The following MOSPD2 variants were observed in gnomAD, a reference collection of about 807,000 sequenced individuals.
The protein encoded by MOSPD2 is motile sperm domain-containing protein 2.
A neutral mutation model predicts 41.7 loss-of-function variants in MOSPD2; 5 were observed. The observed-to-expected ratio is 0.12, with a 90% CI of 0.06 to 0.25. MOSPD2 has a LOEUF of 0.25. Among genes scored for constraint, MOSPD2 ranks in the 10% least tolerant of loss-of-function variants. The pLI, the probability that MOSPD2 is intolerant of heterozygous loss-of-function variation, is 1.00. For synonymous variants in MOSPD2, 115 were observed against 126.9 expected, an observed-to-expected ratio of 0.91 and a Z score of 0.63; for missense variants, 282 against 375.2, an observed-to-expected ratio of 0.75 and a Z score of 2.05.
intron 2 of MOSPD2, among the ~76,000 whole-genome samples, chrX:14,880,427 T>C (rs1324755242): frequency 8.9e-6 from 1 of 111,814 alleles, no homozygotes; most frequent in Non-Finnish European, 1.9e-5. Context: ...CTTGAAATAT[T>C]GATTGTTTTC....
At chrX:14,877,498 A>G (rs758162807) in intron 2 of MOSPD2, among the ~76,000 whole-genome samples, 5 of 109,538 alleles carry the variant, frequency 4.6e-5, no homozygotes, top group African/African-American at 1.7e-4. Context: ...ATGTGCCACC[A>G]TGCCCAGCTA....
At chrX:14,884,502 G>A (rs1267683452) in intron 2 of MOSPD2, among the ~76,000 whole-genome samples, 1 of 111,157 alleles carries the variant, frequency 9.0e-6, no homozygotes, top group Non-Finnish European at 1.9e-5. Flanking sequence ...GGGGAATGGA[G>A]GAAAAGTCCT....
chrX:14,916,103 A>T (rs1214359328), intron 12 of MOSPD2, 94 bp from the exon 13 acceptor site: 1 of 1,127,157 alleles, frequency 8.9e-7, no homozygotes, highest in Non-Finnish European at 1.2e-6. Context: ...TTTTTCCTTA[A>T]TGTTGAGTTC....
At chrX:14,878,698 T>C (rs1375121972) in intron 2 of MOSPD2, among the ~76,000 whole-genome samples, 2 of 112,174 alleles carry the variant, frequency 1.8e-5, no homozygotes, top group Admixed American at 1.9e-4. Context: ...TACTATTTTT[T>C]TTCTTCTTTT....
At chrX:14,893,267 T>A (rs1029191394) in intron 3 of MOSPD2, 1 of 116,665 alleles carries the variant, frequency 8.6e-6, no homozygotes, top group African/African-American at 3.2e-5. Context: ...CTTGTGCTAA[T>A]AGGTTAATAG....
At chrX:14,895,035 T>C (rs1192810817) in intron 3 of MOSPD2, among the ~76,000 whole-genome samples, 2 of 112,214 alleles carry the variant, frequency 1.8e-5, no homozygotes, top group African/African-American at 3.2e-5. Context: ...CAAGTCATTA[T>C]GTGAAACAAT....
chrX:14,876,700 A>G (rs997950679), intron 2 of MOSPD2, among the ~76,000 whole-genome samples: 1 of 111,772 alleles, frequency 8.9e-6, no homozygotes, highest in Non-Finnish European at 1.9e-5. Flanking sequence ...TATATGCCTA[A>G]TTCTGGGAAG....
intron 2 of MOSPD2, among the ~76,000 whole-genome samples, chrX:14,879,142 A>G (rs1305975699): frequency 1.8e-5 from 2 of 112,300 alleles, no homozygotes; most frequent in Non-Finnish European, 3.8e-5. Context: ...GATATGACTA[A>G]TTTATTCCTT....
At chrX:14,896,433 T>G (rs889810852) in intron 4 of MOSPD2, among the ~76,000 whole-genome samples, 10 of 111,938 alleles carry the variant, frequency 8.9e-5, no homozygotes, top group African/African-American at 3.3e-4. Flanking sequence ...ATTCAGTTTC[T>G]AACTACTACA....
intron 8 of MOSPD2, among the ~76,000 whole-genome samples, chrX:14,909,564 C>A (rs1167480214): frequency 4.5e-5 from 5 of 111,382 alleles, no homozygotes; most frequent in Non-Finnish European, 9.4e-5. Flanking sequence ...GTTCAACAGT[C>A]TTTTTAGTTA....
chrX:14,891,576 A>AT (rs1302415831), intron 2 of MOSPD2, among the ~76,000 whole-genome samples: 24 of 90,559 alleles, frequency 2.7e-4, no homozygotes, highest in Non-Finnish European at 3.6e-4. Context: ...TTATTTATTT[A>AT]TTTTTTTTTT....
At chrX:14,895,527 A>G in intron 4 of MOSPD2, 133 bp downstream of exon 4, 2 of 444,556 alleles carry the variant, frequency 4.5e-6, no homozygotes. Flanking sequence ...AGGGATTGGC[A>G]GGACCATTTT....
At chrX:14,918,575 A>G in intron 13 of MOSPD2, 105 bp from the exon 14 acceptor site, 1 of 518,807 alleles carries the variant, frequency 1.9e-6, no homozygotes, top group Non-Finnish European at 3.1e-6. Flanking sequence ...GAGGACTTTT[A>G]CCTCTGTTAC....
At chrX:14,876,990 C>T (rs935587031) in intron 2 of MOSPD2, among the ~76,000 whole-genome samples, 1 of 111,659 alleles carries the variant, frequency 9.0e-6, no homozygotes, top group Non-Finnish European at 1.9e-5. Flanking sequence ...AGAAGGTGAT[C>T]CAGGCAGATT....
intron 2 of MOSPD2, among the ~76,000 whole-genome samples, chrX:14,892,472 C>T (rs1186135212): frequency 9.0e-6 from 1 of 111,500 alleles, no homozygotes; most frequent in Non-Finnish European, 1.9e-5. Flanking sequence ...ACCCAAACAC[C>T]TCCCACCAGA....
rs766880341 is a variant in MOSPD2, at chrX:14,912,185, TA to T, written c.880-60del. On this transcript the variant is annotated intron_variant, in intron 9 of 14. Transcript: ENST00000380492. The stretch of plus-strand genomic sequence containing the variant: ...CTATGTTATGTATAATAGTAGGCAC[TA>T]AAATAGATGTTAATGGTCATGTTAA... The T allele has an allele frequency of 1.4e-4, 107 of 740,560 alleles. 1 individual carries two copies. The East Asian group carries it at 2.4e-3, about 16-fold the overall frequency. 61.0% of individuals were successfully genotyped at this position (740,560 alleles called of 1,213,427 possible).
chrX:14,896,196 G>A (rs969735087), intron 4 of MOSPD2, among the ~76,000 whole-genome samples: 2 of 109,934 alleles, frequency 1.8e-5, no homozygotes, highest in African/African-American at 6.6e-5. Context: ...TACCTCCCCC[G>A]GCACAGTATT....
At position 14,911,240 on chromosome X, in the gene MOSPD2, C is replaced by T. The variant is rs975603419; in HGVS notation, c.706C>T (p.Pro236Ser). The T allele has an allele frequency of 8.4e-7, 1 of 1,190,140 alleles. No individual in the cohort carries two copies. The highest frequency in any genetic ancestry group is 1.1e-6 in the Non-Finnish European group (1 of 886,429). The stretch of plus-strand genomic sequence containing the variant: ...ATGTGAAATTATTTTCTTGTAGGAT[C>T]CTTTCAAGTATAGCTATCCACCACT... ...YLPPHMGGTD[P>S]FKYSYPPLVD... Residue 236 changes from proline to serine, a missense_variant, in exon 9 of 15, where the codon CCT (proline) becomes TCT (serine). Physicochemically the swap from Pro to Ser is moderately conservative, Grantham distance 74. This residue lies in a region of MOSPD2 where 187 missense variants were observed against 256.6 expected (regional missense o/e 0.73). Transcript: ENST00000380492.
At chrX:14,893,587 G>A (rs1298507290) in intron 3 of MOSPD2, among the ~76,000 whole-genome samples, 1 of 112,081 alleles carries the variant, frequency 8.9e-6, no homozygotes, top group Admixed American at 9.5e-5. Context: ...TCTGTTTTCA[G>A]TTAGGCATAA....
Sources: gnomAD v4.1 joint callset for allele counts (sites outside exome capture counted in the v4.1 genomes callset) on GRCh38, gnomAD v4.1.1 for gene constraint, gnomAD v4.1.1 regional missense constraint, MANE v1.5 for transcripts, NCBI Gene and HGNC (gene_info 2026-07-23, HGNC 2026-07-21) for gene names.